The following DRC1 variants were observed in gnomAD, a reference collection of about 807,000 sequenced individuals.
DRC1 encodes the protein dynein regulatory complex subunit 1.
Under a neutral mutation model 98.7 loss-of-function variants are expected in DRC1, and 74 were observed. That is an observed-to-expected ratio of 0.75 (90% CI 0.62 to 0.91). The LOEUF is 0.91. DRC1 is among the 40% of genes least tolerant of loss of function. The pLI is 0.00. For missense variants in DRC1, 875 were observed against 886.0 expected (o/e 0.99, Z 0.16); for synonymous variants, 336 against 334.1 (o/e 1.01, Z -0.06).
chr2:26,431,906 T>C lies in DRC1; in HGVS notation c.788T>C (p.Met263Thr), dbSNP rs1327723004. ...AKELEYLNNR[M>T]KKVEDYEKQL... ...TAGCTGGAGTATCTTAACAACCGCA[T>C]GAAGAAAGTAGAGGACTATGAGAAG... Residue 263 changes from methionine (M) to threonine (T), a missense_variant, in exon 7 of 17, where the codon ATG (methionine) becomes ACG (threonine). By Grantham distance (81) the Met-to-Thr change is moderately conservative. Coordinates refer to ENST00000288710, the MANE Select transcript of DRC1 (RefSeq NM_145038.5). The C allele has an allele frequency of 6.2e-7, 1 of 1,613,828 alleles. No homozygotes were observed. Among genetic ancestry groups the C allele is most frequent in the East Asian group, 2.2e-5 (1 of 44,886 alleles).
At chr2:26,450,212 C>T in intron 12 of DRC1, 127 bp downstream of exon 12, 1 of 831,726 alleles carries the variant, frequency 1.2e-6, no homozygotes, top group East Asian at 2.7e-5. Context: ...CTCCCTGTCA[C>T]ATCCTTCCCT....
chr2:26,443,793 A>G (rs1663780603), intron 8 of DRC1, among the ~76,000 whole-genome samples: 1 of 152,154 alleles, frequency 6.6e-6, no homozygotes, highest in Non-Finnish European at 1.5e-5. Context: ...GGCTTTTGTG[A>G]TATGCATTTT....
chr2:26,402,212 A>C, intron 1 of DRC1, 68 bp downstream of exon 1: 1 of 1,475,110 alleles, frequency 6.8e-7, no homozygotes, highest in Non-Finnish European at 8.9e-7. Context: ...TTTCCTGATG[A>C]AATAGAAACA....
intron 13 of DRC1, 114 bp from the exon 14 acceptor site, chr2:26,453,206 C>G: frequency 7.8e-7 from 1 of 1,282,326 alleles, no homozygotes; most frequent in Non-Finnish European, 1.1e-6. Context: ...AAATGTCTCC[C>G]TGGGCAAGCT....
chr2:26,426,658 C>T (rs180701778), intron 4 of DRC1, among the ~76,000 whole-genome samples: 20 of 152,222 alleles, frequency 1.3e-4, no homozygotes, highest in Non-Finnish European at 2.1e-4. Context: ...GGAGCCACTG[C>T]GCCCAGCCTG....
intron 7 of DRC1, among the ~76,000 whole-genome samples, chr2:26,434,877 C>G (rs576049949): frequency 7.3e-6 from 1 of 136,256 alleles, no homozygotes; most frequent in Non-Finnish European, 1.6e-5. Flanking sequence ...GGTGACAGAG[C>G]GAGACTCCGT....
At chr2:26,428,368 A>C (rs1270033797) in intron 4 of DRC1, among the ~76,000 whole-genome samples, 1 of 152,262 alleles carries the variant, frequency 6.6e-6, no homozygotes, top group East Asian at 1.9e-4. Flanking sequence ...ATAACCTACT[A>C]CACACCTAGG....
At chr2:26,410,340 C>T (rs186879713) in intron 1 of DRC1, among the ~76,000 whole-genome samples, 47 of 151,030 alleles carry the variant, frequency 3.1e-4, no homozygotes, top group Non-Finnish European at 5.9e-4. Context: ...GGCATGATCT[C>T]GGCTCACTGC....
chr2:26,448,501 G>A (rs922571462), intron 10 of DRC1, 190 bp from the exon 11 acceptor site: 15 of 712,458 alleles, frequency 2.1e-5, no homozygotes, highest in East Asian at 1.7e-4. Flanking sequence ...CTCTGATTCC[G>A]ACCCCCTAGC....
intron 4 of DRC1, among the ~76,000 whole-genome samples, chr2:26,427,840 T>G (rs1663325873): frequency 6.6e-6 from 1 of 152,246 alleles, no homozygotes; most frequent in Admixed American, 6.5e-5. Context: ...TGAATTTTTG[T>G]GCCTGGCTTA....
At chr2:26,404,510 G>A (rs1014085016) in intron 1 of DRC1, among the ~76,000 whole-genome samples, 1 of 152,176 alleles carries the variant, frequency 6.6e-6, no homozygotes, top group Non-Finnish European at 1.5e-5. Flanking sequence ...GCTTCTGGTA[G>A]TTGACAGTCA....
intron 6 of DRC1, among the ~76,000 whole-genome samples, 182 bp downstream of exon 6, chr2:26,431,054 T>C (rs1196629400): frequency 6.6e-6 from 1 of 150,530 alleles, no homozygotes; most frequent in Non-Finnish European, 1.5e-5. Context: ...TCTGACTGTC[T>C]GGTTCAAGTG....
At position 26,446,926 on chromosome 2, in the gene DRC1, T is replaced by C. The variant is rs549604977; in HGVS notation, c.1397-1765T>C. ...GGCCAACATGGCGAAAACCTGTCTC[T>C]ACTAAAAATACAAAAAATTAGCCGG... On this transcript the variant is annotated intron_variant, in intron 10 of 16. Transcript: ENST00000288710. 4.0e-5 allele frequency among the ~76,000 whole-genome samples: 6 copies of C among 151,772 alleles called. No individual in the cohort carries two copies. In the East Asian group the frequency reaches 1.2e-3, roughly 29 times the overall value.
chr2:26,429,660 G>C lies in DRC1; in HGVS notation c.573G>C (p.Lys191Asn). 7 of 1,614,100 alleles carry C rather than the reference G, an allele frequency of 4.3e-6. No homozygotes were observed. The highest frequency in any genetic ancestry group is 5.9e-6 in the Non-Finnish European group (7 of 1,180,008). The change falls in exon 5 of 17, where the codon AAG becomes AAC. Residue 191 changes from lysine (K) to asparagine (N), a missense_variant. Lys to Asn is a moderately conservative substitution (Grantham distance 94, BLOSUM62 0). Transcript: ENST00000288710. The part of the protein sequence containing the change: ...ELKTKDDQYV[K>N]DLKKQSDDIC... ...AAACAAAGGATGACCAGTATGTGAA[G>C]GATTTGAAGAAACAGTCAGATGACA...
intron 11 of DRC1, 79 bp downstream of exon 11, chr2:26,448,882 C>A (rs1572384125): frequency 1.4e-6 from 2 of 1,466,034 alleles, no homozygotes; most frequent in East Asian, 2.3e-5. Context: ...CCAGTGCTAG[C>A]CTGGAGTCAG....
rs1410385830 is a variant in DRC1 at position 26,434,759 on chromosome 2, C to T, written c.888+2753C>T. ...ACAAAAAATTAGCCGGGTGTGGTGG[C>T]GGGCGCCTGTAGTCCCAGCTACTCA... On this transcript the variant is annotated intron_variant, in intron 7 of 16. Transcript: ENST00000288710. Among the ~76,000 whole-genome samples, 13 of 152,030 alleles carry T rather than the reference C, an allele frequency of 8.6e-5. No individual in the cohort carries two copies. The East Asian group carries it at 1.2e-3, about 14-fold the overall frequency.
At chr2:26,456,374 C>A in intron 16 of DRC1, 87 bp from the exon 17 acceptor site, 1 of 1,544,300 alleles carries the variant, frequency 6.5e-7, no homozygotes, top group Non-Finnish European at 8.9e-7. Flanking sequence ...CTTTGGAGGC[C>A]CATGGGAGAG....
At chr2:26,412,904 TC>T (rs1300565626) in intron 1 of DRC1, among the ~76,000 whole-genome samples, 5 of 152,138 alleles carry the variant, frequency 3.3e-5, no homozygotes, top group Non-Finnish European at 5.9e-5. Flanking sequence ...TGCCTCAGCC[TC>T]CCAAGTAGCT....
At chr2:26,434,571 C>T (rs1663521339) in intron 7 of DRC1, among the ~76,000 whole-genome samples, 2 of 152,166 alleles carry the variant, frequency 1.3e-5, no homozygotes, top group Admixed American at 6.5e-5. Context: ...ACAGCTCCTG[C>T]CCTCAAGGAA....
Sources: allele counts gnomAD v4.1 joint callset (sites outside exome capture counted in the v4.1 genomes callset), GRCh38; gene constraint gnomAD v4.1.1; transcripts MANE v1.5; gene names NCBI Gene and HGNC (gene_info 2026-07-23, HGNC 2026-07-21).